Variants in CCDC3 observed in about 807,000 individuals in gnomAD.
CCDC3 encodes the protein coiled-coil domain-containing protein 3.
A neutral mutation model predicts 21.4 loss-of-function variants in CCDC3; 24 were observed. The ratio of observed to expected loss-of-function variants is 1.12; its 90% CI spans 0.81 to 1.58. The LOEUF is 1.58. CCDC3 is among the 40% of genes most tolerant of loss of function. CCDC3 has a pLI of 0.00. For synonymous variants in CCDC3, 186 were observed against 166.0 expected (o/e 1.12, Z -0.93); for missense variants, 425 against 360.9 (o/e 1.18, Z -1.44).
intron 3 of CCDC3, among the ~76,000 whole-genome samples, chr10:13,094,797 G>C (rs142766905): frequency 6.6e-6 from 1 of 151,940 alleles, no homozygotes; most frequent in African/African-American, 2.4e-5. Flanking sequence ...CCAGGAGTTC[G>C]AGGCTGCAGT....
At chr10:13,043,143 G>A (rs368483552) in intron 5 of CCDC3, among the ~76,000 whole-genome samples, 1 of 152,110 alleles carries the variant, frequency 6.6e-6, no homozygotes, top group African/African-American at 2.4e-5. Context: ...TGACACTGAG[G>A]TTTGGGACAC....
intron 1 of CCDC3, among the ~76,000 whole-genome samples, chr10:12,999,643 G>A (rs1835816077): frequency 6.6e-6 from 1 of 152,188 alleles, no homozygotes. Context: ...TTGTATTTCT[G>A]CCCTAACTTT....
chr10:12,958,925 C>A (rs1835136052), intron 2 of CCDC3, among the ~76,000 whole-genome samples: 1 of 152,194 alleles, frequency 6.6e-6, no homozygotes, highest in Non-Finnish European at 1.5e-5. Context: ...AGACGCAGTT[C>A]TAATTGGCCA....
chr10:13,008,090 T>C (rs1467763151), intron 5 of CCDC3, among the ~76,000 whole-genome samples: 2 of 152,024 alleles, frequency 1.3e-5, no homozygotes, highest in African/African-American at 4.8e-5. Context: ...GGTCTCAGGC[T>C]CCAAAACCCC....
At chr10:12,995,718 T>C (rs1835752944) in intron 2 of CCDC3, among the ~76,000 whole-genome samples, 1 of 152,218 alleles carries the variant, frequency 6.6e-6, no homozygotes, top group African/African-American at 2.4e-5. Context: ...GTTTCCACTT[T>C]TTCTCTGAGC....
At position 12,963,589 on chromosome 10, in the gene CCDC3, T is replaced by G. The variant is rs949326287; in HGVS notation, c.549+34749A>C. ...AGTTTTGTTTTCCGGGTTTTTTTTTTTTTTTTTTTTTCAGACAGGATCTCA... is the reference window on the plus strand; with the variant it reads ...AGTTTTGTTTTCCGGGTTTTTTTTTGTTTTTTTTTTTCAGACAGGATCTCA... On this transcript the variant is annotated intron_variant, in intron 2 of 2. Transcript: ENST00000378825. Among the ~76,000 whole-genome samples the G allele has an allele frequency of 4.9e-4, 73 of 149,584 alleles. 1 individual carries two copies. The highest frequency in any genetic ancestry group is 1.8e-3 in the African/African-American group (71 of 40,332).
chr10:13,025,629 C>A (rs17152713), intron 5 of CCDC3, among the ~76,000 whole-genome samples: 9 of 152,176 alleles, frequency 5.9e-5, no homozygotes, highest in Non-Finnish European at 1.3e-4. Flanking sequence ...ATGTTGTCTA[C>A]GGTGACATTT....
At chr10:13,008,010 G>A (rs1835944335) in intron 5 of CCDC3, among the ~76,000 whole-genome samples, 1 of 152,116 alleles carries the variant, frequency 6.6e-6, no homozygotes, top group Non-Finnish European at 1.5e-5. Context: ...GCAGAGGAGT[G>A]GCCCACTATA....
In CCDC3 at chr10:12,902,391, A is replaced by C. The variant is rs537821978; in HGVS notation, c.550-3712T>G. 1.1e-4 allele frequency among the ~76,000 whole-genome samples: 16 copies of C among 152,290 alleles called. 1 individual carries two copies. The highest frequency in any genetic ancestry group is 3.6e-4 in the African/African-American group (15 of 41,564). On this transcript the variant is annotated intron_variant, in intron 2 of 2. Transcript: ENST00000378825. ...TGACAGTATTTCTATTGTCTTGTGG[A>C]TAGATATTAGCTATGGAACTTAGGC...
intron 4 of CCDC3, among the ~76,000 whole-genome samples, chr10:13,066,198 C>T (rs977895987): frequency 6.6e-6 from 1 of 151,962 alleles, no homozygotes; most frequent in Non-Finnish European, 1.5e-5. Context: ...ATTCCCATCA[C>T]CCAAACTGGA....
At chr10:13,023,513 C>T (rs890782823) in intron 5 of CCDC3, among the ~76,000 whole-genome samples, 2 of 152,008 alleles carry the variant, frequency 1.3e-5, no homozygotes, top group African/African-American at 4.8e-5. Context: ...AGAAGATGCC[C>T]CAGTGTGCAA....
At chr10:13,076,718 C>T (rs1381046461) in intron 3 of CCDC3, among the ~76,000 whole-genome samples, 1 of 152,188 alleles carries the variant, frequency 6.6e-6, no homozygotes, top group Non-Finnish European at 1.5e-5. Flanking sequence ...CAGCCTATGC[C>T]CCTTCCTTAT....
intron 4 of CCDC3, chr10:13,058,719 G>T (rs896618169): frequency 1.8e-5 from 6 of 331,914 alleles, no homozygotes; most frequent in African/African-American, 4.3e-5. Context: ...ACAGAGACCT[G>T]CAGGCCTATT....
chr10:12,990,767 A>T (rs1020109493), intron 2 of CCDC3, among the ~76,000 whole-genome samples: 4 of 152,194 alleles, frequency 2.6e-5, no homozygotes, highest in Non-Finnish European at 4.4e-5. Flanking sequence ...ACATGGTAAA[A>T]CTACTATTTT....
intron 5 of CCDC3, among the ~76,000 whole-genome samples, chr10:13,029,189 G>C (rs555656664): frequency 6.6e-6 from 1 of 152,186 alleles, no homozygotes. Context: ...CATAAGGAAA[G>C]CTGTTTTGAT....
chr10:12,917,180 CTTTTTTTTTTTTTTTTTT>C (rs56054100), intron 2 of CCDC3, among the ~76,000 whole-genome samples: 9 of 58,238 alleles, frequency 1.5e-4, no homozygotes, highest in South Asian at 7.7e-4. Flanking sequence ...ATTTCTTCTT[CTTTTTTTTTTTTTTTTTT>C]TTTTTTTTTT....
At chr10:12,971,709 A>G (rs1440536512) in intron 2 of CCDC3, among the ~76,000 whole-genome samples, 1 of 152,124 alleles carries the variant, frequency 6.6e-6, no homozygotes, top group Non-Finnish European at 1.5e-5. Flanking sequence ...TTTTCGAGAC[A>G]GAGTCTTGTA....
intron 3 of CCDC3, among the ~76,000 whole-genome samples, chr10:13,083,606 G>A (rs993897068): frequency 2.0e-5 from 3 of 152,228 alleles, no homozygotes; most frequent in Admixed American, 1.3e-4. Flanking sequence ...TGTGCTGGAG[G>A]TGCTCACAGG....
At chr10:13,023,824 C>T (rs1564323890) in intron 5 of CCDC3, among the ~76,000 whole-genome samples, 1 of 152,128 alleles carries the variant, frequency 6.6e-6, no homozygotes, top group Non-Finnish European at 1.5e-5. Flanking sequence ...GGGTGCAACG[C>T]CTCTTTATCT....
Sources: gnomAD v4.1 joint callset for allele counts (sites outside exome capture counted in the v4.1 genomes callset) on GRCh38, gnomAD v4.1.1 for gene constraint, MANE v1.5 for transcripts, NCBI Gene and HGNC (gene_info 2026-07-23, HGNC 2026-07-21) for gene names.